Variants in UTRN observed in about 807,000 individuals in gnomAD.
UTRN encodes utrophin, also known as dystrophin-related protein 1.
A neutral mutation model predicts 463.9 loss-of-function variants in UTRN; 283 were observed. The observed-to-expected ratio is 0.61, with a 90% confidence interval of 0.55 to 0.67. The LOEUF (loss-of-function observed/expected upper bound fraction) is 0.67. Among genes scored for constraint, UTRN ranks in the 30% least tolerant of loss-of-function variants. The pLI, the probability that UTRN is intolerant of heterozygous loss-of-function variation, is 0.00. For missense variants in UTRN, 3,922 were observed against 4,084.3 expected (o/e 0.96, Z 1.08); for synonymous variants, 1,442 against 1,431.5 (o/e 1.01, Z -0.17).
chr6:144,844,375 T>C (rs1781846433), intron 73 of UTRN, among the ~76,000 whole-genome samples: 2 of 151,828 alleles, frequency 1.3e-5, no homozygotes, highest in South Asian at 4.2e-4. Flanking sequence ...CTCAAGCAAT[T>C]CTCATGCCTC....
chr6:144,833,904 C>G (rs1199318453), intron 69 of UTRN, among the ~76,000 whole-genome samples: 2 of 152,210 alleles, frequency 1.3e-5, no homozygotes, highest in Non-Finnish European at 2.9e-5. Context: ...CCCTGCCAGT[C>G]TGTTTGATTT....
At chr6:144,645,834 TTGGCTGCTTGTAA>T (rs1464079394) in intron 51 of UTRN, among the ~76,000 whole-genome samples, 1 of 151,960 alleles carries the variant, frequency 6.6e-6, no homozygotes, top group African/African-American at 2.4e-5. Flanking sequence ...CAGAGCAGAG[TTGGCTGCTTGTAA>T]TGGGAGTGGG....
intron 17 of UTRN, among the ~76,000 whole-genome samples, chr6:144,449,106 C>G (rs1787988213): frequency 6.6e-6 from 1 of 152,146 alleles, no homozygotes; most frequent in Non-Finnish European, 1.5e-5. Flanking sequence ...TTCACTGTCA[C>G]AACTCGACAG....
At chr6:144,643,393 A>G (rs1430231132) in intron 51 of UTRN, among the ~76,000 whole-genome samples, 1 of 152,244 alleles carries the variant, frequency 6.6e-6, no homozygotes, top group Non-Finnish European at 1.5e-5. Context: ...ATTTGAGTAA[A>G]ACAAGAAGAA....
chr6:144,574,272 A>G (rs1801222673), intron 50 of UTRN, among the ~76,000 whole-genome samples: 1 of 152,180 alleles, frequency 6.6e-6, no homozygotes, highest in South Asian at 2.1e-4. Context: ...GTTAAGAAGT[A>G]AGTGCTAGGA....
intron 51 of UTRN, among the ~76,000 whole-genome samples, chr6:144,598,287 T>C (rs1803865619): frequency 2.0e-5 from 3 of 152,182 alleles, no homozygotes; most frequent in Non-Finnish European, 4.4e-5. Context: ...GCGGGACAAC[T>C]TGAAGTGGCT....
At chr6:144,453,066 G>A (rs1381438872) in intron 18 of UTRN, among the ~76,000 whole-genome samples, 2 of 151,960 alleles carry the variant, frequency 1.3e-5, no homozygotes, top group African/African-American at 4.8e-5. Flanking sequence ...TTGAACCCTA[G>A]ACTTAATATA....
Position 144,324,373 on chromosome 6 carries a change from A to G in UTRN, c.79+32466A>G, listed in dbSNP as rs142421457. Among the ~76,000 whole-genome samples the G allele has an allele frequency of 1.2e-3, 188 of 152,342 alleles. 1 individual carries two copies. In the East Asian group the frequency reaches 0.03, roughly 24 times the overall value. On this transcript the variant is annotated intron_variant, in intron 2 of 74. Coordinates refer to ENST00000367545, the MANE Select transcript of UTRN (RefSeq NM_007124.3). ...AAGTAAAATTTCACATTTGAAAATA[A>G]AGGAAAGGAAATGTAATTTTATGCT...
At chr6:144,515,173 G>A (rs2128592410) in intron 37 of UTRN, among the ~76,000 whole-genome samples, 1 of 152,236 alleles carries the variant, frequency 6.6e-6, no homozygotes, top group South Asian at 2.1e-4. Flanking sequence ...CCAAAGTGCT[G>A]GAATTACAGG....
chr6:144,472,770 ATT>A (rs61374314), intron 23 of UTRN, among the ~76,000 whole-genome samples: 3,238 of 139,552 alleles, frequency 0.023, 129 homozygotes, highest in African/African-American at 0.08. Context: ...ACTTACTTGC[ATT>A]TTTTTTTTTT....
In UTRN at chr6:144,434,602, G is replaced by C. The variant is rs146386693; in HGVS notation, c.856-1333G>C. Among the ~76,000 whole-genome samples the C allele has an allele frequency of 3.9e-5, 6 of 152,288 alleles. No homozygotes were observed. In the East Asian group the frequency reaches 1.2e-3, roughly 29 times the overall value. On this transcript the variant is annotated intron_variant, in intron 9 of 74. Coordinates refer to ENST00000367545, the MANE Select transcript of UTRN (RefSeq NM_007124.3). Reference sequence around the variant, plus strand: ...TGAAGTAGAGATGTGAAAATAGTGGGATATGAGAGTTTGGAATCCAGACTC... The same window carrying C: ...TGAAGTAGAGATGTGAAAATAGTGGCATATGAGAGTTTGGAATCCAGACTC...
At chr6:144,383,747 A>G (rs1455949902) in intron 2 of UTRN, among the ~76,000 whole-genome samples, 1 of 152,222 alleles carries the variant, frequency 6.6e-6, no homozygotes, top group African/African-American at 2.4e-5. Context: ...TGAGTAGGCA[A>G]CTAGCAGTGT....
At chr6:144,771,216 A>G (rs1793964107) in intron 58 of UTRN, among the ~76,000 whole-genome samples, 1 of 152,186 alleles carries the variant, frequency 6.6e-6, no homozygotes, top group Admixed American at 6.5e-5. Context: ...TCTGTTTGAA[A>G]TAGGCAAAGC....
chr6:144,358,722 C>T (rs1778788044), intron 2 of UTRN, among the ~76,000 whole-genome samples: 1 of 152,182 alleles, frequency 6.6e-6, no homozygotes, highest in African/African-American at 2.4e-5. Flanking sequence ...CCTCCCACTT[C>T]AGTCTCCTCA....
At chr6:144,690,214 G>A (rs1249847880) in intron 52 of UTRN, among the ~76,000 whole-genome samples, 1 of 147,302 alleles carries the variant, frequency 6.8e-6, no homozygotes, top group Non-Finnish European at 1.5e-5. Flanking sequence ...ACAGGCAGAC[G>A]CAAGCAGCAG....
chr6:144,514,514 C>A, intron 36 of UTRN, 136 bp from the exon 37 acceptor site: 1 of 888,818 alleles, frequency 1.1e-6, no homozygotes. Context: ...CAGCTCTCAC[C>A]TGGTTGATTA....
rs1345996653 is a variant in UTRN at position 144,473,764 on chromosome 6, C to T, written c.3111C>T (p.Asp1037=). ...VIEKWMDGVK[D]FLMKQQAAQG... is the part of the protein sequence containing the mutation. ...AGAAGTGGATGGATGGCGTGAAAGACTTCTTAATGAAACAGCAGGCTGCCC... is the reference window on the plus strand; with the variant it reads ...AGAAGTGGATGGATGGCGTGAAAGATTTCTTAATGAAACAGCAGGCTGCCC... Residue 1037 remains aspartate, a synonymous_variant, in exon 24 of 75, where the codon GAC becomes GAT. Transcript: ENST00000367545. 6.2e-7 allele frequency: 1 copy of T among 1,614,114 alleles called. No homozygotes were observed. Among genetic ancestry groups the T allele is most frequent in the Admixed American group, 1.7e-5 (1 of 60,006 alleles).
chr6:144,389,750 C>T (rs1226615502), intron 2 of UTRN, among the ~76,000 whole-genome samples: 3 of 152,168 alleles, frequency 2.0e-5, no homozygotes, highest in Non-Finnish European at 4.4e-5. Flanking sequence ...AGGCGTCTGC[C>T]ACCACGCACA....
Position 144,453,782 on chromosome 6 carries a change from G to T in UTRN, c.2197G>T (p.Ala733Ser). ...TCTTATGTTGGGACTTCATTTGCAG[G>T]CATTAGAAAAAGAACAGAGAGAAAG... ...DTSEMKKKLKALEKEQRERIP... is the reference protein window; with the variant it reads ...DTSEMKKKLKSLEKEQRERIP... The change falls in exon 19 of 75, where the codon GCA becomes TCA. Residue 733 changes from alanine to serine, a missense_variant and splice_region_variant. Ala to Ser is a moderately conservative substitution (Grantham distance 99, BLOSUM62 1). This residue lies in a region of UTRN where 2,349 missense variants were observed against 2,303.8 expected (regional missense o/e 1.02). Coordinates refer to ENST00000367545, the MANE Select transcript of UTRN (RefSeq NM_007124.3). 1 of 1,611,816 alleles carries T rather than the reference G, an allele frequency of 6.2e-7. No homozygotes were observed. The highest frequency in any genetic ancestry group is 8.5e-7 in the Non-Finnish European group (1 of 1,178,812).
Sources: gnomAD v4.1 joint callset for allele counts (sites outside exome capture counted in the v4.1 genomes callset) on GRCh38, gnomAD v4.1.1 for gene constraint, gnomAD v4.1.1 regional missense constraint, MANE v1.5 for transcripts, NCBI Gene and HGNC (gene_info 2026-07-23, HGNC 2026-07-21) for gene names.